The following GABRB2 variants were observed in gnomAD, a reference collection of about 807,000 sequenced individuals.
GABRB2 encodes the protein gamma-aminobutyric acid type A receptor subunit beta2.
Under a neutral mutation model 54.7 loss-of-function variants are expected in GABRB2, and 16 were observed. That is an observed-to-expected ratio of 0.29 (90% CI 0.20 to 0.44). GABRB2 has a LOEUF of 0.44. Ranked by LOEUF, GABRB2 falls within the 20% of genes least tolerant of loss-of-function variation. The pLI, the probability that GABRB2 is intolerant of heterozygous loss-of-function variation, is 1.00. For missense variants in GABRB2, 355 were observed against 644.0 expected (o/e 0.55, Z 4.86); for synonymous variants, 244 against 233.8 (o/e 1.04, Z -0.40).
chr5:161,323,328 T>C (rs1758269216), intron 9 of GABRB2, among the ~76,000 whole-genome samples: 1 of 152,158 alleles, frequency 6.6e-6, no homozygotes, highest in African/African-American at 2.4e-5. Context: ...AGCCAAAATA[T>C]ACTTTTTTAA....
chr5:161,385,396 T>C (rs1307692077), intron 5 of GABRB2, among the ~76,000 whole-genome samples: 1 of 152,184 alleles, frequency 6.6e-6, no homozygotes, highest in Admixed American at 6.5e-5. Flanking sequence ...AGCTCTCTCA[T>C]TTGAAAAATT....
intron 4 of GABRB2, among the ~76,000 whole-genome samples, chr5:161,435,004 C>T (rs998325041): frequency 7.9e-5 from 12 of 152,100 alleles, no homozygotes; most frequent in African/African-American, 2.4e-4. Context: ...TATCACAATG[C>T]GGTGTTATAT....
chr5:161,480,819 C>G (rs1004187511), intron 3 of GABRB2, among the ~76,000 whole-genome samples: 2 of 151,940 alleles, frequency 1.3e-5, no homozygotes, highest in Admixed American at 1.3e-4. Context: ...AAAAGTGCCA[C>G]TTTTATCCAT....
intron 3 of GABRB2, among the ~76,000 whole-genome samples, chr5:161,536,663 C>T (rs1460681343): frequency 6.6e-6 from 1 of 152,206 alleles, no homozygotes; most frequent in South Asian, 2.1e-4. Flanking sequence ...GTGGCACGAT[C>T]TCGGCTCACT....
At chr5:161,334,715 A>G (rs1370455326) in intron 7 of GABRB2, 37 bp downstream of exon 7, 2 of 1,608,102 alleles carry the variant, frequency 1.2e-6, no homozygotes, top group Non-Finnish European at 1.7e-6. Flanking sequence ...ATGTACACAC[A>G]GAGTCAAAAT....
At chr5:161,462,037 T>C (rs755682624) in intron 3 of GABRB2, among the ~76,000 whole-genome samples, 8 of 152,192 alleles carry the variant, frequency 5.3e-5, no homozygotes, top group Non-Finnish European at 7.3e-5. Flanking sequence ...TAACTCGTTG[T>C]AAAAAATATT....
chr5:161,432,189 T>A (rs1211871778), intron 4 of GABRB2, among the ~76,000 whole-genome samples: 1 of 152,204 alleles, frequency 6.6e-6, no homozygotes, highest in African/African-American at 2.4e-5. Context: ...CCTTACTTTG[T>A]AATATAACAA....
intron 5 of GABRB2, among the ~76,000 whole-genome samples, chr5:161,387,817 C>A (rs1398657473): frequency 6.6e-6 from 1 of 152,040 alleles, no homozygotes; most frequent in Non-Finnish European, 1.5e-5. Context: ...AATAGACTAG[C>A]ACGTCTAGAA....
chr5:161,489,470 A>G (rs556670421), intron 3 of GABRB2, among the ~76,000 whole-genome samples: 33 of 151,816 alleles, frequency 2.2e-4, no homozygotes, highest in African/African-American at 7.7e-4. Flanking sequence ...AGGAAAACAA[A>G]AGACAAACAG....
chr5:161,336,593 G>A (rs373077343), intron 6 of GABRB2, 39 bp downstream of exon 6: 1 of 1,603,034 alleles, frequency 6.2e-7, no homozygotes, highest in East Asian at 2.2e-5. Flanking sequence ...AAAATACGGT[G>A]AAGATTATTT....
At chr5:161,400,095 C>G (rs2113075661) in intron 5 of GABRB2, among the ~76,000 whole-genome samples, 1 of 152,244 alleles carries the variant, frequency 6.6e-6, no homozygotes, top group South Asian at 2.1e-4. Flanking sequence ...AGCAATAACA[C>G]AGGAAGCCAA....
At chr5:161,408,842 G>T (rs971784451) in intron 5 of GABRB2, among the ~76,000 whole-genome samples, 1 of 151,868 alleles carries the variant, frequency 6.6e-6, no homozygotes, top group Admixed American at 6.6e-5. Flanking sequence ...GTGAATGAAT[G>T]CCTAGGGTAT....
chr5:161,475,213 T>C (rs939420691), intron 3 of GABRB2, among the ~76,000 whole-genome samples: 3 of 151,992 alleles, frequency 2.0e-5, no homozygotes, highest in Non-Finnish European at 4.4e-5. Context: ...TCCCAAGATA[T>C]AGAATTACAC....
intron 3 of GABRB2, among the ~76,000 whole-genome samples, chr5:161,525,220 C>G (rs971354312): frequency 1.3e-5 from 2 of 151,248 alleles, no homozygotes; most frequent in African/African-American, 2.4e-5. Context: ...TCAGATCTGG[C>G]TGACCCCTGA....
chr5:161,441,552 C>G (rs1757465620), intron 4 of GABRB2, among the ~76,000 whole-genome samples: 1 of 152,122 alleles, frequency 6.6e-6, no homozygotes, highest in Non-Finnish European at 1.5e-5. Context: ...TTGGTGGTTC[C>G]TCAAAAAACT....
chr5:161,474,086 G>T lies in GABRB2; in HGVS notation c.238-14242C>A, dbSNP rs568574844. Among the ~76,000 whole-genome samples the T allele has an allele frequency of 1.3e-4, 20 of 152,116 alleles. No homozygotes were observed. The South Asian group carries it at 4.1e-3, about 32-fold the overall frequency. ...AAGAAAGTCCCAAGCCCAGGAAACA[G>T]CCAGTGCCAAGGCCCTAGAGCAGGG... On this transcript the variant is annotated intron_variant, in intron 3 of 9. Coordinates refer to ENST00000393959, the MANE Select transcript of GABRB2 (RefSeq NM_001371727.1).
intron 3 of GABRB2, among the ~76,000 whole-genome samples, chr5:161,471,965 T>C (rs894343069): frequency 6.6e-6 from 1 of 151,822 alleles, no homozygotes; most frequent in African/African-American, 2.4e-5. Flanking sequence ...AATAGCACTA[T>C]AAGTTATATA....
At chr5:161,542,236 A>G (rs1760842632) in intron 3 of GABRB2, among the ~76,000 whole-genome samples, 1 of 152,186 alleles carries the variant, frequency 6.6e-6, no homozygotes, top group African/African-American at 2.4e-5. Flanking sequence ...ATAATGAAAC[A>G]ATTTGAAATA....
intron 3 of GABRB2, among the ~76,000 whole-genome samples, chr5:161,509,458 A>T (rs189563275): frequency 2.0e-5 from 3 of 151,866 alleles, no homozygotes; most frequent in Admixed American, 1.3e-4. Context: ...AAAATCAGTT[A>T]AGGCATCACT....
Sources: allele counts gnomAD v4.1 joint callset (sites outside exome capture counted in the v4.1 genomes callset), GRCh38; gene constraint gnomAD v4.1.1; transcripts MANE v1.5; gene names NCBI Gene and HGNC (gene_info 2026-07-23, HGNC 2026-07-21).